The following PTPRD variants were observed in gnomAD, a reference collection of about 807,000 sequenced individuals.
PTPRD encodes the protein receptor-type tyrosine-protein phosphatase delta.
In PTPRD, 34 loss-of-function variants were observed where a neutral mutation model predicts 214.5. The observed-to-expected ratio is 0.16, with a 90% confidence interval of 0.12 to 0.21. The LOEUF is 0.21. Among genes scored for constraint, PTPRD ranks in the 10% least tolerant of loss-of-function variants. The pLI, the probability that PTPRD is intolerant of heterozygous loss-of-function variation, is 1.00. For synonymous variants in PTPRD, 1,128 were observed against 845.7 expected (o/e 1.33, Z -5.79); for missense variants, 2,545 against 2,398.7 (o/e 1.06, Z -1.27).
intron 9 of PTPRD, among the ~76,000 whole-genome samples, chr9:9,299,672 C>A: frequency 6.6e-6 from 1 of 151,390 alleles, no homozygotes; most frequent in East Asian, 2.0e-4. Flanking sequence ...TGACTTGTGC[C>A]CAAAGTATTT....
chr9:8,461,229 G>T (rs2096391386), intron 32 of PTPRD, among the ~76,000 whole-genome samples: 1 of 151,992 alleles, frequency 6.6e-6, no homozygotes, highest in African/African-American at 2.4e-5. Flanking sequence ...CAGAATTGAT[G>T]ATATGGCTTT....
chr9:8,335,367 C>A (rs1458247145), intron 43 of PTPRD, among the ~76,000 whole-genome samples: 1 of 152,088 alleles, frequency 6.6e-6, no homozygotes, highest in African/African-American at 2.4e-5. Context: ...TAATCCATCA[C>A]ATACACAGAA....
intron 9 of PTPRD, among the ~76,000 whole-genome samples, chr9:9,326,262 A>T (rs1362414511): frequency 6.6e-6 from 1 of 152,128 alleles, no homozygotes; most frequent in African/African-American, 2.4e-5. Flanking sequence ...CTCTTTGATG[A>T]CAATAGGAGG....
intron 9 of PTPRD, among the ~76,000 whole-genome samples, chr9:9,371,235 C>A (rs1193127177): frequency 6.6e-6 from 1 of 152,108 alleles, no homozygotes; most frequent in Non-Finnish European, 1.5e-5. Flanking sequence ...GTGAATCCAT[C>A]TGGTCCTGGA....
At chr9:9,761,938 G>T (rs930985217) in intron 6 of PTPRD, among the ~76,000 whole-genome samples, 6 of 152,130 alleles carry the variant, frequency 3.9e-5, no homozygotes, top group Non-Finnish European at 5.9e-5. Flanking sequence ...ATATTGGTCT[G>T]CTTGGGCTGG....
At chr9:8,760,127 T>C (rs2094316929) in intron 11 of PTPRD, among the ~76,000 whole-genome samples, 1 of 152,182 alleles carries the variant, frequency 6.6e-6, no homozygotes, top group African/African-American at 2.4e-5. Context: ...GACCGGGTTT[T>C]ACCACATTGG....
At chr9:9,216,804 T>C (rs951154482) in intron 9 of PTPRD, among the ~76,000 whole-genome samples, 5 of 152,276 alleles carry the variant, frequency 3.3e-5, no homozygotes, top group African/African-American at 1.2e-4. Context: ...TATAACAAAA[T>C]ACTTCTTTGT....
intron 11 of PTPRD, among the ~76,000 whole-genome samples, chr9:8,884,723 G>A (rs769655686): frequency 6.6e-6 from 1 of 152,252 alleles, no homozygotes; most frequent in African/African-American, 2.4e-5. Context: ...TTGTAGCAAA[G>A]AGAAGGGCTA....
At chr9:10,460,798 C>T (rs2131276643) in intron 2 of PTPRD, among the ~76,000 whole-genome samples, 1 of 152,124 alleles carries the variant, frequency 6.6e-6, no homozygotes, top group South Asian at 2.1e-4. Flanking sequence ...TAGTAGAGAA[C>T]ATAGAGGAAA....
intron 9 of PTPRD, among the ~76,000 whole-genome samples, chr9:9,189,855 T>A (rs2099934026): frequency 6.6e-6 from 1 of 152,058 alleles, no homozygotes; most frequent in African/African-American, 2.4e-5. Flanking sequence ...CCATTTCTCA[T>A]CTTTCCAGGA....
At chr9:9,428,723 C>G (rs1013414810) in intron 8 of PTPRD, among the ~76,000 whole-genome samples, 1 of 152,172 alleles carries the variant, frequency 6.6e-6, no homozygotes, top group Non-Finnish European at 1.5e-5. Context: ...ACAGTGCAAT[C>G]AAACTAGAAC....
intron 39 of PTPRD, among the ~76,000 whole-genome samples, chr9:8,364,910 A>G (rs1163525865): frequency 6.6e-6 from 1 of 152,166 alleles, no homozygotes; most frequent in East Asian, 1.9e-4. Context: ...GGTGTCAAAC[A>G]TAACACTTCC....
intron 3 of PTPRD, among the ~76,000 whole-genome samples, chr9:10,316,893 A>C (rs1029635669): frequency 2.6e-5 from 4 of 151,940 alleles, no homozygotes; most frequent in Non-Finnish European, 5.9e-5. Flanking sequence ...CTGTAGGCTG[A>C]GTGTTTTAAC....
At chr9:10,026,633 T>C (rs2096928211) in intron 4 of PTPRD, among the ~76,000 whole-genome samples, 1 of 152,128 alleles carries the variant, frequency 6.6e-6, no homozygotes, top group African/African-American at 2.4e-5. Flanking sequence ...CAAGGGGGCA[T>C]TGTTTTCTCA....
chr9:10,503,207 A>AAAAAAG (rs1566569990), intron 2 of PTPRD, among the ~76,000 whole-genome samples: 1 of 97,400 alleles, frequency 1.0e-5, no homozygotes, highest in African/African-American at 6.3e-5. Context: ...AAAAAAAAAA[A>AAAAAAG]CAAAAAAAAA....
chr9:8,996,793 C>G (rs1567483540), intron 11 of PTPRD, among the ~76,000 whole-genome samples: 1 of 151,982 alleles, frequency 6.6e-6, no homozygotes, highest in African/African-American at 2.4e-5. Flanking sequence ...AAGGCCCTAC[C>G]TCTTAATACT....
intron 5 of PTPRD, among the ~76,000 whole-genome samples, chr9:9,888,297 T>C (rs555572340): frequency 2.6e-5 from 4 of 152,300 alleles, no homozygotes; most frequent in African/African-American, 7.2e-5. Flanking sequence ...CTCCTGAGGA[T>C]AGTCCCCAAG....
intron 9 of PTPRD, among the ~76,000 whole-genome samples, chr9:9,356,028 G>A (rs1322026663): frequency 1.3e-5 from 2 of 151,364 alleles, no homozygotes; most frequent in Non-Finnish European, 3.0e-5. Context: ...GGGGATTGGT[G>A]ACATTGACAA....
At chr9:10,267,691 A>C (rs755889242) in intron 3 of PTPRD, among the ~76,000 whole-genome samples, 1 of 152,212 alleles carries the variant, frequency 6.6e-6, no homozygotes, top group Non-Finnish European at 1.5e-5. Flanking sequence ...GCATTTGATC[A>C]GACTCTCTTC....
Sources: gnomAD v4.1 joint callset for allele counts (sites outside exome capture counted in the v4.1 genomes callset) on GRCh38, gnomAD v4.1.1 for gene constraint, MANE v1.5 for transcripts, NCBI Gene and HGNC (gene_info 2026-07-23, HGNC 2026-07-21) for gene names.